SNED1: variants seen among roughly 807,000 people sequenced by gnomAD.
The protein encoded by SNED1 is sushi, nidogen and EGF like domains 1, also known as sushi, nidogen and EGF-like domain-containing protein 1.
A neutral mutation model predicts 166.7 loss-of-function variants in SNED1; 81 were observed. That is an observed-to-expected ratio of 0.49 (90% CI 0.41 to 0.58). The LOEUF is 0.58. Among genes scored for constraint, SNED1 ranks in the 20% least tolerant of loss-of-function variants. The probability of loss-of-function intolerance (pLI) is 0.00; values close to 1 mark genes in which losing one functional copy is unlikely to be tolerated. For synonymous variants in SNED1, 762 were observed against 822.0 expected (o/e 0.93, Z 1.25); for missense variants, 1,604 against 2,000.2 (o/e 0.80, Z 3.78).
chr2:241,069,093 T>A lies in SNED1; in HGVS notation c.3307+70T>A. 1 of 1,045,366 alleles carries A rather than the reference T, an allele frequency of 9.6e-7. No homozygotes were observed. The highest frequency in any genetic ancestry group is 1.5e-5 in the South Asian group (1 of 65,392). 64.8% of individuals were successfully genotyped at this position (1,045,366 alleles called of 1,614,324 possible). On this transcript the variant is annotated intron_variant, in intron 23 of 31. Transcript: ENST00000310397. This position sits in a 1 kb window ranked among gnomAD's most constrained non-coding sequence, Gnocchi z 4.9. Reference sequence around the variant, plus strand: ...TAGAAGCTCTGGCTTCCTTCCAGCCTCCCCTAGTCCTCTCCAAAGCGTCCA... The same window carrying A: ...TAGAAGCTCTGGCTTCCTTCCAGCCACCCCTAGTCCTCTCCAAAGCGTCCA...
chr2:241,035,674 G>C lies in SNED1; in HGVS notation c.805+944G>C, dbSNP rs76324729. On this transcript the variant is annotated intron_variant, in intron 4 of 31. Transcript: ENST00000310397. ...ACTGAGTCCCCAGAGAACACGACAGGGGTAGCAGATGCGCGCGCACCACTG... is the reference window on the plus strand; with the variant it reads ...ACTGAGTCCCCAGAGAACACGACAGCGGTAGCAGATGCGCGCGCACCACTG... 344 of 151,890 alleles carry C rather than the reference G, an allele frequency of 2.3e-3. 11 individuals are homozygous for C. The East Asian group carries it at 0.052, about 23-fold the overall frequency. 9.4% of individuals were successfully genotyped at this position (151,890 alleles called of 1,614,324 possible).
At chr2:241,062,710 C>T in intron 16 of SNED1, 81 bp from the exon 17 acceptor site, 1 of 883,568 alleles carries the variant, frequency 1.1e-6, no homozygotes, top group Non-Finnish European at 1.8e-6. Flanking sequence ...TTCTGTCTGG[C>T]CCCTCAGGAC....
At chr2:241,026,785 T>G (rs2060984336) in intron 1 of SNED1, among the ~76,000 whole-genome samples, 1 of 152,256 alleles carries the variant, frequency 6.6e-6, no homozygotes, top group African/African-American at 2.4e-5. Context: ...TTTTTAAATG[T>G]GTGGTTCAAT....
Position 241,084,791 on chromosome 2 carries a change from C to CT in SNED1, c.4121+2427_4121+2428insT, listed in dbSNP as rs575797395. 1.0e-3 allele frequency among the ~76,000 whole-genome samples: 153 copies of CT among 152,344 alleles called. 1 individual carries two copies. The highest frequency in any genetic ancestry group is 4.5e-3 in the Admixed American group (69 of 15,300). ...CTTTGCCATAAGAACTTAACTCTAA[C>CT]ATCTCCTATAGCACAGGTCTGCAGG... On this transcript the variant is annotated intron_variant, in intron 29 of 31. Coordinates refer to ENST00000310397, the MANE Select transcript of SNED1 (RefSeq NM_001080437.3).
At chr2:241,003,094 C>G in intron 1 of SNED1, among the ~76,000 whole-genome samples, 1 of 152,078 alleles carries the variant, frequency 6.6e-6, no homozygotes, top group Non-Finnish European at 1.5e-5. Flanking sequence ...AGAATCCCCG[C>G]TACGCTTCCC....
rs2061287017 is a variant in SNED1 at position 241,034,553 on chromosome 2, C to T, written c.643-15C>T. Reference sequence around the variant, plus strand: ...GGAACTGGCCTCCCTCACTCTGCCCCCACCCCACCCCCAGGCTGGCTTCAA... The same window carrying T: ...GGAACTGGCCTCCCTCACTCTGCCCTCACCCCACCCCCAGGCTGGCTTCAA... On this transcript the variant is annotated splice_polypyrimidine_tract_variant and intron_variant, in intron 3 of 31. Coordinates refer to ENST00000310397, the MANE Select transcript of SNED1 (RefSeq NM_001080437.3). 6.4e-7 allele frequency: 1 copy of T among 1,573,916 alleles called. No homozygotes were observed. The highest frequency in any genetic ancestry group is 1.2e-5 in the South Asian group (1 of 85,396).
Position 241,068,061 on chromosome 2 carries a change from C to G in SNED1, c.3194+114C>G, listed in dbSNP as rs1302377493. On this transcript the variant is annotated intron_variant, in intron 22 of 31. Transcript: ENST00000310397. This position sits in a 1 kb window ranked among gnomAD's most constrained non-coding sequence, Gnocchi z 5.3. ...CGTGTGTGGACTGTACCACCTGCCG[C>G]TCCTCACCTGAGCGGAGACAAAGGT... The G allele has an allele frequency of 1.0e-6, 1 of 994,208 alleles. No individual in the cohort carries two copies. Among genetic ancestry groups the G allele is most frequent in the Non-Finnish European group, 1.5e-6 (1 of 679,624 alleles). The allele number at this position is 994,208 out of a possible 1,614,324, so 61.6% of individuals were successfully genotyped here.
intron 29 of SNED1, among the ~76,000 whole-genome samples, chr2:241,086,219 T>C (rs2125325796): frequency 6.6e-6 from 1 of 152,358 alleles, no homozygotes; most frequent in Admixed American, 6.5e-5. Context: ...CTACTCTGGC[T>C]CTGGAAATCG....
intron 1 of SNED1, among the ~76,000 whole-genome samples, chr2:241,012,454 C>T (rs1341956649): frequency 2.0e-5 from 3 of 152,264 alleles, no homozygotes; most frequent in African/African-American, 7.2e-5. Context: ...CGCCTTCTCA[C>T]ACTCGCCTTT....
chr2:241,072,276 G>A (rs1001097228), intron 26 of SNED1: 58 of 467,298 alleles, frequency 1.2e-4, no homozygotes, highest in East Asian at 3.9e-4. Flanking sequence ...AGTGTGGTCC[G>A]GCAAATCCTC....
Position 241,064,080 on chromosome 2 carries a change from C to G in SNED1, c.2554C>G (p.Leu852Val). Residue 852 changes from leucine (L) to valine (V), a missense_variant, in exon 19 of 32, where the codon CTG becomes GTG. By Grantham distance (32) the Leu-to-Val change is conservative. Around this residue, in one of 2 missense-constraint regions of SNED1, gnomAD observed 1,237 missense variants for 1,620.8 expected, o/e 0.76. Transcript: ENST00000310397. This position sits in a 1 kb window ranked among gnomAD's most constrained non-coding sequence, Gnocchi z 7.0. The part of the protein sequence containing the change: ...GRCESGGGAY[L>V]CVCPESFFGY... ...GTGTGAGAGCGGCGGCGGGGCCTACCTGTGCGTCTGCCCAGAGAGCTTCTT... is the reference window on the plus strand; with the variant it reads ...GTGTGAGAGCGGCGGCGGGGCCTACGTGTGCGTCTGCCCAGAGAGCTTCTT... 6.4e-7 allele frequency: 1 copy of G among 1,570,054 alleles called. No individual in the cohort carries two copies. Among genetic ancestry groups the G allele is most frequent in the Non-Finnish European group, 8.6e-7 (1 of 1,159,018 alleles).
intron 30 of SNED1, 83 bp from the exon 31 acceptor site, chr2:241,088,282 C>G: frequency 1.1e-6 from 1 of 947,544 alleles, no homozygotes; most frequent in Non-Finnish European, 1.7e-6. Flanking sequence ...AGGATCTCAG[C>G]AGGCAGCCTG....
At chr2:241,004,377 C>T (rs2060160564) in intron 1 of SNED1, among the ~76,000 whole-genome samples, 1 of 152,128 alleles carries the variant, frequency 6.6e-6, no homozygotes, top group Non-Finnish European at 1.5e-5. Context: ...GTGTTTTAGA[C>T]CATTTACATT....
chr2:241,069,041 G>A lies in SNED1; in HGVS notation c.3307+18G>A. ...GTGGACCCGTGAGTAGAGCAGCGCG[G>A]CCCCCGGCACACGAAAGGCCGTCTT... On this transcript the variant is annotated intron_variant, in intron 23 of 31. Transcript: ENST00000310397. This position sits in a 1 kb window ranked among gnomAD's most constrained non-coding sequence, Gnocchi z 4.9. The A allele has an allele frequency of 2.0e-6, 3 of 1,516,990 alleles. No homozygotes were observed. Among genetic ancestry groups the A allele is most frequent in the Non-Finnish European group, 2.7e-6 (3 of 1,120,474 alleles). The allele number at this position is 1,516,990 out of a possible 1,614,324, so 94.0% of individuals were successfully genotyped here.
At chr2:241,082,495 G>A in intron 29 of SNED1, 131 bp downstream of exon 29, 1 of 644,004 alleles carries the variant, frequency 1.6e-6, no homozygotes. Context: ...GACTTGCTTT[G>A]ACCATCGATT....
rs1321485535 is a variant in SNED1, at chr2:241,064,064, C to T, written c.2538C>T (p.Ser846=). The T allele has an allele frequency of 1.9e-6, 3 of 1,569,408 alleles. No individual in the cohort carries two copies. Among genetic ancestry groups the T allele is most frequent in the Admixed American group, 1.9e-5 (1 of 53,942 alleles). ...SPCQHGGRCE[S]GGGAYLCVCP... Reference sequence around the variant, plus strand: ...GCCAGCATGGAGGCCGGTGTGAGAGCGGCGGCGGGGCCTACCTGTGCGTCT... The same window carrying T: ...GCCAGCATGGAGGCCGGTGTGAGAGTGGCGGCGGGGCCTACCTGTGCGTCT... The change falls in exon 19 of 32, where the codon AGC becomes AGT. Residue 846 remains serine, a synonymous_variant. Coordinates refer to ENST00000310397, the MANE Select transcript of SNED1 (RefSeq NM_001080437.3). This position sits in a 1 kb window ranked among gnomAD's most constrained non-coding sequence, Gnocchi z 7.0.
rs887256847 is a variant in SNED1 at position 241,053,220 on chromosome 2, C to T, written c.2151C>T (p.Gly717=). ...TGCGCTTCAACGGCACGCGGCTGGG[C>T]GCGGTGGCCCTGTATGCATGTGACC... ...ATLRFNGTRL[G]AVALYACDRG... is the part of the protein sequence containing the mutation. Residue 717 remains glycine, a synonymous_variant, in exon 16 of 32, where the codon GGC becomes GGT. Transcript: ENST00000310397. 7.5e-6 allele frequency: 12 copies of T among 1,609,080 alleles called. No individual in the cohort carries two copies. Among genetic ancestry groups the T allele is most frequent in the Admixed American group, 5.0e-5 (3 of 59,874 alleles).
At position 241,092,487 on chromosome 2, in the gene SNED1, T is replaced by A. The variant is rs1434394697; in HGVS notation, c.*851T>A. 1 of 152,108 alleles carries A rather than the reference T, an allele frequency of 6.6e-6. No homozygotes were observed. The highest frequency in any genetic ancestry group is 1.5e-5 in the Non-Finnish European group (1 of 68,026). 9.4% of individuals were successfully genotyped at this position (152,108 alleles called of 1,614,324 possible). A position where few individuals can be genotyped will look rare whatever the true frequency, so the allele number is the denominator to read the frequency against. On this transcript the variant is annotated 3_prime_UTR_variant, in exon 32 of 32. Coordinates refer to ENST00000310397, the MANE Select transcript of SNED1 (RefSeq NM_001080437.3). The surrounding 1 kb of genome is among the most constrained non-coding windows in gnomAD (Gnocchi z 4.6). ...ATTTGGTGAACCCTGTTCTATGAGA[T>A]CACCTAGGCTTCAGCCTTAAACAGT...
At chr2:241,071,329 G>GCA in intron 24 of SNED1, 1 of 580,690 alleles carries the variant, frequency 1.7e-6, no homozygotes, top group Non-Finnish European at 3.1e-6. Context: ...TGACTCCCAG[G>GCA]CCAGTGCACG....
Sources: allele counts gnomAD v4.1 joint callset (sites outside exome capture counted in the v4.1 genomes callset), GRCh38; gene constraint gnomAD v4.1.1; regional missense constraint gnomAD v4.1.1; non-coding constraint Gnocchi (gnomAD v3.1); transcripts MANE v1.5; gene names NCBI Gene and HGNC (gene_info 2026-07-23, HGNC 2026-07-21).